Variants in UBE3D observed in about 807,000 individuals in gnomAD.
The protein encoded by UBE3D is E3 ubiquitin-protein ligase E3D.
Under a neutral mutation model 49.6 loss-of-function variants are expected in UBE3D, and 48 were observed. The observed-to-expected ratio is 0.97, with a 90% CI of 0.77 to 1.23. The LOEUF (loss-of-function observed/expected upper bound fraction) is 1.23. Ranked by LOEUF, UBE3D falls within the 50% of genes most tolerant of loss-of-function variation. The pLI, the probability that UBE3D is intolerant of heterozygous loss-of-function variation, is 0.00. For synonymous variants in UBE3D, 189 were observed against 174.2 expected (o/e 1.08, Z -0.67); for missense variants, 452 against 468.4 (o/e 0.96, Z 0.32).
chr6:82,922,038 A>T (rs189043759), intron 9 of UBE3D, among the ~76,000 whole-genome samples: 2 of 152,352 alleles, frequency 1.3e-5, no homozygotes, highest in East Asian at 3.9e-4. Flanking sequence ...CCAGAAATTT[A>T]ATGTTAGACA....
At chr6:83,024,108 C>T in intron 5 of UBE3D, 70 bp from the exon 6 acceptor site, 1 of 774,904 alleles carries the variant, frequency 1.3e-6, no homozygotes, top group African/African-American at 1.8e-5. Context: ...AAGTTGACTC[C>T]AAATTAGGAT....
rs9449564 is a variant in UBE3D, at chr6:82,944,385, G to C, written c.1149+12927C>G. On this transcript the variant is annotated intron_variant, in intron 9 of 9. Transcript: ENST00000369747. ...CAGAAGGGAATCTGTTGCCATAAAG[G>C]GAAGGACCCAGTCCAGGCAAAGCCT... 3.6e-3 allele frequency among the ~76,000 whole-genome samples: 549 copies of C among 152,284 alleles called. 5 individuals are homozygous for C. Among genetic ancestry groups the C allele is most frequent in the African/African-American group, 0.013 (531 of 41,556 alleles).
chr6:82,959,299 T>C (rs1172506894), intron 8 of UBE3D, among the ~76,000 whole-genome samples: 1 of 150,986 alleles, frequency 6.6e-6, no homozygotes, highest in African/African-American at 2.4e-5. Context: ...TTGTAAAATA[T>C]CTTCCTCTCT....
chr6:83,061,313 T>G (rs1322328545), intron 1 of UBE3D, among the ~76,000 whole-genome samples: 1 of 152,224 alleles, frequency 6.6e-6, no homozygotes, highest in Non-Finnish European at 1.5e-5. Flanking sequence ...CAATGCCTTA[T>G]TCTGAACTGG....
chr6:82,921,454 T>G (rs1773331571), intron 9 of UBE3D, among the ~76,000 whole-genome samples: 1 of 152,140 alleles, frequency 6.6e-6, no homozygotes, highest in Admixed American at 6.6e-5. Context: ...CAGACAAGCC[T>G]GGAGCCATGC....
intron 8 of UBE3D, among the ~76,000 whole-genome samples, chr6:82,986,329 G>A (rs147384803): frequency 0.02 from 3,101 of 151,978 alleles, 43 homozygotes; most frequent in South Asian, 0.043. Context: ...AAATTAGCCA[G>A]GTGTGGTGGC....
intron 8 of UBE3D, among the ~76,000 whole-genome samples, chr6:82,982,521 T>C (rs1183928409): frequency 6.6e-6 from 1 of 152,216 alleles, no homozygotes; most frequent in Non-Finnish European, 1.5e-5. Context: ...GATTGACCTA[T>C]AATTTCCCAA....
chr6:83,062,704 TA>T (rs1784245012), intron 1 of UBE3D, among the ~76,000 whole-genome samples: 1 of 152,204 alleles, frequency 6.6e-6, no homozygotes, highest in African/African-American at 2.4e-5. Flanking sequence ...GGAAATACAG[TA>T]TTTTTACAGC....
chr6:82,995,844 A>C (rs1779204173), intron 8 of UBE3D, among the ~76,000 whole-genome samples: 1 of 152,140 alleles, frequency 6.6e-6, no homozygotes, highest in Non-Finnish European at 1.5e-5. Flanking sequence ...AGGCGGGTGG[A>C]TAACTTGAGG....
At position 82,927,754 on chromosome 6, in the gene UBE3D, G is replaced by GT. The variant is rs34047163; in HGVS notation, c.1149+29557dup. On this transcript the variant is annotated intron_variant, in intron 9 of 9. Coordinates refer to ENST00000369747, the MANE Select transcript of UBE3D (RefSeq NM_198920.3). Reference sequence around the variant, plus strand: ...TATAATCACTTATTAGTTTGGGAGGGTTTTTTTTTTTTTAATTCTTCAGGA... The same window carrying GT: ...TATAATCACTTATTAGTTTGGGAGGGTTTTTTTTTTTTTTAATTCTTCAGGA... Among the ~76,000 whole-genome samples the GT allele has an allele frequency of 5.4e-3, 788 of 145,422 alleles. 27 individuals are homozygous for GT. Among genetic ancestry groups the GT allele is most frequent in the Admixed American group, 0.049 (716 of 14,638 alleles).
downstream of UBE3D, among the ~76,000 whole-genome samples, chr6:82,887,599 C>T (rs1770911302): frequency 6.6e-6 from 1 of 151,208 alleles, no homozygotes; most frequent in South Asian, 2.1e-4. Context: ...ATCCCAGCTA[C>T]TCGGGAGGCT....
chr6:82,893,978 T>C (rs1312498475), intron 9 of UBE3D: 1 of 152,190 alleles, frequency 6.6e-6, no homozygotes, highest in Non-Finnish European at 1.5e-5. Flanking sequence ...CATACGGTGC[T>C]GGTGAGAAAG....
At chr6:82,969,004 T>A (rs184358583) in intron 8 of UBE3D, among the ~76,000 whole-genome samples, 1 of 152,168 alleles carries the variant, frequency 6.6e-6, no homozygotes, top group Non-Finnish European at 1.5e-5. Context: ...TGGCAAAACA[T>A]ACAATTATCG....
intron 9 of UBE3D, among the ~76,000 whole-genome samples, chr6:82,926,174 A>C (rs1181868102): frequency 6.6e-6 from 1 of 152,202 alleles, no homozygotes; most frequent in African/African-American, 2.4e-5. Flanking sequence ...AGTGGAATCC[A>C]GATAAAAAGT....
intron 8 of UBE3D, among the ~76,000 whole-genome samples, chr6:82,986,055 T>C (rs916880077): frequency 2.0e-5 from 3 of 152,172 alleles, no homozygotes; most frequent in Admixed American, 1.3e-4. Context: ...CAAAACAAAA[T>C]TTGATGGCAT....
intron 9 of UBE3D, among the ~76,000 whole-genome samples, chr6:82,928,763 T>C (rs906689764): frequency 6.6e-6 from 1 of 152,184 alleles, no homozygotes; most frequent in Admixed American, 6.5e-5. Flanking sequence ...TGGATAAAGA[T>C]ATCCATGGGA....
At chr6:82,985,828 T>C (rs1195384324) in intron 8 of UBE3D, among the ~76,000 whole-genome samples, 1 of 152,188 alleles carries the variant, frequency 6.6e-6, no homozygotes, top group Admixed American at 6.5e-5. Context: ...CTATGTATTA[T>C]GTTTATATAT....
intron 9 of UBE3D, among the ~76,000 whole-genome samples, chr6:82,909,614 A>G (rs1772353636): frequency 6.6e-6 from 1 of 152,164 alleles, no homozygotes; most frequent in Non-Finnish European, 1.5e-5. Flanking sequence ...CCTTTGTGCA[A>G]GGGTAGCTGC....
chr6:82,905,385 G>A (rs912301134), intron 9 of UBE3D, among the ~76,000 whole-genome samples: 12 of 152,066 alleles, frequency 7.9e-5, no homozygotes, highest in African/African-American at 2.7e-4. Flanking sequence ...TGTTACTATT[G>A]TAATTATTTT....
Sources: allele counts gnomAD v4.1 joint callset (sites outside exome capture counted in the v4.1 genomes callset), GRCh38; gene constraint gnomAD v4.1.1; transcripts MANE v1.5; gene names NCBI Gene and HGNC (gene_info 2026-07-23, HGNC 2026-07-21).